Variants in ADGRE2 observed in about 807,000 individuals in gnomAD.
The protein encoded by ADGRE2 is CD97 antigen.
ADGRE2 carries 83 observed loss-of-function variants against 100.8 expected under a neutral mutation model. That is an observed-to-expected ratio of 0.82 (90% CI 0.69 to 0.99). The LOEUF (loss-of-function observed/expected upper bound fraction) is 0.99, where lower values mean the gene tolerates loss of function less well. ADGRE2 is among the 50% of genes least tolerant of loss of function. The pLI is 0.00. For synonymous variants in ADGRE2, 355 were observed against 413.0 expected (o/e 0.86, Z 1.70); for missense variants, 814 against 1,035.7 (o/e 0.79, Z 2.94).
At position 14,757,105 on chromosome 19, in the gene ADGRE2, A is replaced by G. The variant is rs114166788; in HGVS notation, c.1085-760T>C. Among the ~76,000 whole-genome samples the G allele has an allele frequency of 6.3e-3, 957 of 152,128 alleles. 9 individuals carry two copies. Among genetic ancestry groups the G allele is most frequent in the African/African-American group, 0.022 (898 of 41,500 alleles). ...TTTTGTGGAGATCATGTTTCAGTATATTTCCAAGGCTGGGCTTGAACTCCT... is the reference window on the plus strand; with the variant it reads ...TTTTGTGGAGATCATGTTTCAGTATGTTTCCAAGGCTGGGCTTGAACTCCT... On this transcript the variant is annotated intron_variant, in intron 11 of 20. Coordinates refer to ENST00000315576, the MANE Select transcript of ADGRE2 (RefSeq NM_013447.4).
chr19:14,744,192 C>T lies in ADGRE2; in HGVS notation c.2184-408G>A, dbSNP rs191302244. 1.7e-3 allele frequency among the ~76,000 whole-genome samples: 258 copies of T among 150,720 alleles called. 2 individuals are homozygous for T. The highest frequency in any genetic ancestry group is 6.2e-3 in the African/African-American group (254 of 41,086). On this transcript the variant is annotated intron_variant, in intron 18 of 20. Transcript: ENST00000315576. ...TCAGGAGGCGGAGGTTGCAGTGAGT[C>T]GAGATAGAGCCACTGCACTCCAGCC...
chr19:14,741,196 A>G (rs2042920048), intron 20 of ADGRE2, among the ~76,000 whole-genome samples: 1 of 147,168 alleles, frequency 6.8e-6, no homozygotes, highest in Non-Finnish European at 1.5e-5. Context: ...TCCCCGGCTC[A>G]AGCAATTCTT....
chr19:14,765,207 A>G (rs1599860158), intron 10 of ADGRE2, 113 bp downstream of exon 10: 1 of 1,071,334 alleles, frequency 9.3e-7, no homozygotes, highest in Non-Finnish European at 1.4e-6. Context: ...TGGGAGTCAG[A>G]CCAGCACCCA....
At chr19:14,729,263 G>A (rs908537576), downstream of ADGRE2, among the ~76,000 whole-genome samples, 1 of 152,154 alleles carries the variant, frequency 6.6e-6, no homozygotes. Flanking sequence ...TTTGCTGTAG[G>A]AACTGCCCTA....
chr19:14,773,857 C>T (rs928327359), intron 4 of ADGRE2, 81 bp downstream of exon 4: 4 of 1,323,874 alleles, frequency 3.0e-6, no homozygotes, highest in Non-Finnish European at 4.4e-6. Flanking sequence ...TGGCCCCTCA[C>T]AACAACCTCT....
intron 18 of ADGRE2, 81 bp from the exon 19 acceptor site, chr19:14,743,865 C>G: frequency 8.1e-7 from 1 of 1,231,026 alleles, no homozygotes; most frequent in Non-Finnish European, 1.2e-6. Flanking sequence ...CATGGAGTCC[C>G]CTGCCCTCCC....
At position 14,759,503 on chromosome 19, in the gene ADGRE2, A is replaced by ATT. The variant is rs368205522; in HGVS notation, c.1085-3160_1085-3159dup. On this transcript the variant is annotated intron_variant, in intron 11 of 20. Transcript: ENST00000315576. ...ATAAGTTATACATATATATATATAT[A>ATT]TTTTTTTTTTTTAGACGGAGTCTCA... Among the ~76,000 whole-genome samples the ATT allele has an allele frequency of 4.4e-4, 59 of 133,366 alleles. No homozygotes were observed. The East Asian group carries it at 4.4e-3, about 10-fold the overall frequency. 87.5% of individuals were successfully genotyped at this position (133,366 alleles called of 152,430 possible).
intron 16 of ADGRE2, among the ~76,000 whole-genome samples, chr19:14,748,705 T>C (rs1445710948): frequency 6.6e-6 from 1 of 152,218 alleles, no homozygotes; most frequent in East Asian, 1.9e-4. Flanking sequence ...GGTAGCTCTA[T>C]GGTTAACTTT....
intron 8 of ADGRE2, 39 bp downstream of exon 8, chr19:14,765,619 G>A: frequency 6.2e-7 from 1 of 1,614,304 alleles, no homozygotes; most frequent in Non-Finnish European, 8.5e-7. Flanking sequence ...GTGTCAGTGT[G>A]TGTGCTGGGG....
At chr19:14,759,815 A>AT (rs71333311) in intron 11 of ADGRE2, among the ~76,000 whole-genome samples, 21,054 of 95,512 alleles carry the variant, frequency 0.22, 3,582 homozygotes, top group African/African-American at 0.3. Context: ...TATTAAGCAG[A>AT]TTTTTTTTTT....
chr19:14,761,275 G>A (rs2043712970), intron 11 of ADGRE2, among the ~76,000 whole-genome samples: 2 of 152,036 alleles, frequency 1.3e-5, no homozygotes, highest in African/African-American at 2.4e-5. Flanking sequence ...GCGTGGTGGC[G>A]GGCGCCTGTA....
chr19:14,766,858 G>A lies in ADGRE2; in HGVS notation c.487+120C>T, dbSNP rs78043668. 1.5e-5 allele frequency: 18 copies of A among 1,181,010 alleles called. No individual in the cohort carries two copies. In the African/African-American group the frequency reaches 2.2e-4, roughly 15 times the overall value. 73.2% of individuals were successfully genotyped at this position (1,181,010 alleles called of 1,614,324 possible). On this transcript the variant is annotated intron_variant, in intron 6 of 20. Transcript: ENST00000315576. ...GAATCCTTAGGCAGGGGCTTAGCAG[G>A]TCCTTGACCTTGTGGGAACCTGCGG... is the stretch of plus-strand genomic sequence containing the variant.
At chr19:14,752,193 A>G (rs1314196064) in intron 15 of ADGRE2, 136 bp downstream of exon 15, 27 of 1,119,052 alleles carry the variant, frequency 2.4e-5, no homozygotes, top group Non-Finnish European at 3.4e-5. Context: ...TCAGTCTCCC[A>G]AAGTGCTGGG....
At chr19:14,755,306 A>G (rs1054277339) in intron 13 of ADGRE2, among the ~76,000 whole-genome samples, 179 bp from the exon 14 acceptor site, 1 of 151,002 alleles carries the variant, frequency 6.6e-6, no homozygotes, top group African/African-American at 2.4e-5. Flanking sequence ...TACAAAAATT[A>G]GCTGGGCGTG....
At chr19:14,755,527 G>T in intron 13 of ADGRE2, 127 bp downstream of exon 13, 1 of 837,980 alleles carries the variant, frequency 1.2e-6, no homozygotes, top group Non-Finnish European at 2.0e-6. Flanking sequence ...GGCTTGGGAA[G>T]GACTGACTTT....
intron 4 of ADGRE2, among the ~76,000 whole-genome samples, chr19:14,772,762 T>A (rs749937559): frequency 2.0e-5 from 3 of 149,654 alleles, no homozygotes; most frequent in Non-Finnish European, 4.4e-5. Context: ...CATATCCCCA[T>A]CCCCAGTCTT....
chr19:14,752,505 C>G lies in ADGRE2; in HGVS notation c.1612G>C (p.Val538Leu). The change falls in exon 15 of 21, where the codon GTC becomes CTC. Residue 538 changes from valine (V) to leucine (L), a missense_variant. This residue lies in a region of ADGRE2 where 569 missense variants were observed against 692.7 expected (regional missense o/e 0.82). Transcript: ENST00000315576. ...ACGCTCAGCCCCATGTAGGTGATGA[C>G]AGTCAGCACGGGATCCTCCTCCTGG... The part of the protein sequence containing the change: ...DVQEEDPVLT[V>L]ITYMGLSVSL... 6.2e-7 allele frequency: 1 copy of G among 1,614,128 alleles called. No individual in the cohort carries two copies. Among genetic ancestry groups the G allele is most frequent in the Non-Finnish European group, 8.5e-7 (1 of 1,180,004 alleles).
Position 14,732,634 on chromosome 19 carries a change from C to G in ADGRE2, c.*3602G>C, listed in dbSNP as rs769265596. The G allele has an allele frequency of 1.3e-5, 2 of 152,138 alleles. No homozygotes were observed. Among genetic ancestry groups the G allele is most frequent in the Non-Finnish European group, 2.9e-5 (2 of 68,022 alleles). 9.4% of individuals were successfully genotyped at this position (152,138 alleles called of 1,614,324 possible). ...AGCTAAGAATAGTTTTTACATTTTTCAAATGGGTGAAAACAAATAAAAAGA... is the reference window on the plus strand; with the variant it reads ...AGCTAAGAATAGTTTTTACATTTTTGAAATGGGTGAAAACAAATAAAAAGA... On this transcript the variant is annotated 3_prime_UTR_variant, in exon 21 of 21. Coordinates refer to ENST00000315576, the MANE Select transcript of ADGRE2 (RefSeq NM_013447.4).
At chr19:14,759,453 AGAGACATACAGTTAGACAAAAAGT>A (rs1305768074) in intron 11 of ADGRE2, among the ~76,000 whole-genome samples, 13 of 151,114 alleles carry the variant, frequency 8.6e-5, no homozygotes, top group African/African-American at 3.2e-4. Context: ...GTTAACAGGT[AGAGACATACAGTTAGACAAAAAGT>A]ATAAGTTATA....
Sources: allele counts gnomAD v4.1 joint callset (sites outside exome capture counted in the v4.1 genomes callset), GRCh38; gene constraint gnomAD v4.1.1; regional missense constraint gnomAD v4.1.1; transcripts MANE v1.5; gene names NCBI Gene and HGNC (gene_info 2026-07-23, HGNC 2026-07-21).